The following IQGAP2 variants were observed in gnomAD, a reference collection of about 807,000 sequenced individuals.
IQGAP2 encodes IQ motif containing GTPase activating protein 2, also known as ras GTPase-activating-like protein IQGAP2.
In IQGAP2, 173 loss-of-function variants were observed where a neutral mutation model predicts 201.3. That is an observed-to-expected ratio of 0.86 (90% CI 0.76 to 0.98). The LOEUF (loss-of-function observed/expected upper bound fraction) is 0.98. Among genes scored for constraint, IQGAP2 ranks in the 50% least tolerant of loss-of-function variants. The pLI is 0.00. For missense variants in IQGAP2, 1,687 were observed against 1,864.8 expected, an observed-to-expected ratio of 0.90 and a Z score of 1.76; for synonymous variants, 675 against 673.9, an observed-to-expected ratio of 1.00 and a Z score of -0.03.
At chr5:76,430,165 AT>A (rs1310321200) in intron 1 of IQGAP2, among the ~76,000 whole-genome samples, 1 of 152,150 alleles carries the variant, frequency 6.6e-6, no homozygotes, top group Non-Finnish European at 1.5e-5. Context: ...TCTGTGACAA[AT>A]CACCTCAAAA....
At chr5:76,432,032 A>T (rs1752397850) in intron 1 of IQGAP2, among the ~76,000 whole-genome samples, 1 of 151,756 alleles carries the variant, frequency 6.6e-6, no homozygotes, top group Non-Finnish European at 1.5e-5. Context: ...CTATATTCAT[A>T]ATATAGTTAA....
chr5:76,410,152 C>T (rs1024249276), intron 1 of IQGAP2, among the ~76,000 whole-genome samples: 9 of 152,142 alleles, frequency 5.9e-5, no homozygotes, highest in Admixed American at 2.6e-4. Context: ...ACTTTTAGTG[C>T]CCTTCCAAGT....
intron 1 of IQGAP2, among the ~76,000 whole-genome samples, chr5:76,421,764 A>G (rs759475043): frequency 2.0e-5 from 3 of 152,230 alleles, no homozygotes; most frequent in Non-Finnish European, 2.9e-5. Flanking sequence ...TAAATAGTGC[A>G]TAGACAACAA....
In IQGAP2 at chr5:76,589,746, C is replaced by T; in HGVS notation, c.640+18C>T. ...AGCTGCATGTAAGTCCATTCAAAAT[C>T]CAAACTTGCCATGGATGTGAGACTT... On this transcript the variant is annotated intron_variant, in intron 7 of 35. Coordinates refer to ENST00000274364, the MANE Select transcript of IQGAP2 (RefSeq NM_006633.5). 7.1e-7 allele frequency: 1 copy of T among 1,416,288 alleles called. No homozygotes were observed. Among genetic ancestry groups the T allele is most frequent in the South Asian group, 1.3e-5 (1 of 78,024 alleles). 87.7% of individuals were successfully genotyped at this position (1,416,288 alleles called of 1,614,324 possible).
chr5:76,617,746 G>T (rs773021486), intron 13 of IQGAP2: 3 of 1,613,704 alleles, frequency 1.9e-6, no homozygotes, highest in Non-Finnish European at 2.5e-6. Context: ...TGAATAATAA[G>T]AATAATATTG....
At chr5:76,626,938 G>C (rs1750296833) in intron 13 of IQGAP2, among the ~76,000 whole-genome samples, 1 of 152,202 alleles carries the variant, frequency 6.6e-6, no homozygotes, top group South Asian at 2.1e-4. Context: ...AAGTAAACGG[G>C]TGTGAGGTGC....
intron 28 of IQGAP2, 59 bp downstream of exon 28, chr5:76,677,409 T>C (rs1041141948): frequency 5.9e-6 from 9 of 1,525,148 alleles, no homozygotes; most frequent in African/African-American, 1.4e-5. Flanking sequence ...ATCTGTTATC[T>C]TGAAAATGCT....
In IQGAP2 at chr5:76,641,431, G is replaced by A. The variant is rs917716657; in HGVS notation, c.2094+328G>A. Among the ~76,000 whole-genome samples, 5 of 152,244 alleles carry A rather than the reference G, an allele frequency of 3.3e-5. 1 individual carries two copies. In the South Asian group the frequency reaches 8.3e-4, roughly 25 times the overall value. On this transcript the variant is annotated intron_variant, in intron 17 of 35. Coordinates refer to ENST00000274364, the MANE Select transcript of IQGAP2 (RefSeq NM_006633.5). ...CCTGACTTGGGGACTTTACAATTTG[G>A]CTTTTTTGTGGTTAGTAGATGTTGA...
intron 2 of IQGAP2, among the ~76,000 whole-genome samples, chr5:76,478,170 C>T (rs546500233): frequency 2.6e-4 from 39 of 152,136 alleles, no homozygotes; most frequent in Admixed American, 4.6e-4. Flanking sequence ...GAGGCCAAGG[C>T]GGGTGGATCA....
At chr5:76,678,112 G>A (rs1008277217) in intron 28 of IQGAP2, among the ~76,000 whole-genome samples, 1 of 152,078 alleles carries the variant, frequency 6.6e-6, no homozygotes. Flanking sequence ...GGGGAAATGA[G>A]AATATTCTTT....
chr5:76,492,206 G>C (rs1580310925), intron 2 of IQGAP2, among the ~76,000 whole-genome samples: 1 of 152,336 alleles, frequency 6.6e-6, no homozygotes, highest in African/African-American at 2.4e-5. Flanking sequence ...GCATGTACCT[G>C]AGGAAGGTTG....
In IQGAP2 at chr5:76,534,937, C is replaced by T. The variant is rs193181735; in HGVS notation, c.147-27459C>T. Among the ~76,000 whole-genome samples, 451 of 152,290 alleles carry T rather than the reference C, an allele frequency of 3.0e-3. 5 individuals are homozygous for T. Among genetic ancestry groups the T allele is most frequent in the African/African-American group, 0.01 (428 of 41,550 alleles). ...TTTGGTTGTTCCACCTTTATTTTAT[C>T]AAAATCCTTGGACATACATTAAAGT... is the stretch of plus-strand genomic sequence containing the variant. On this transcript the variant is annotated intron_variant, in intron 2 of 35. Coordinates refer to ENST00000274364, the MANE Select transcript of IQGAP2 (RefSeq NM_006633.5).
chr5:76,533,541 T>C (rs200541879), intron 2 of IQGAP2, among the ~76,000 whole-genome samples: 1 of 39,860 alleles, frequency 2.5e-5, no homozygotes, highest in Non-Finnish European at 4.9e-5. Flanking sequence ...TATATATATA[T>C]TTTTTTATTT....
At chr5:76,537,130 C>G (rs1194157491) in intron 2 of IQGAP2, among the ~76,000 whole-genome samples, 1 of 152,184 alleles carries the variant, frequency 6.6e-6, no homozygotes, top group African/African-American at 2.4e-5. Context: ...CTTATGCTTA[C>G]TAAACAAAAT....
intron 5 of IQGAP2, among the ~76,000 whole-genome samples, chr5:76,580,745 C>A (rs992528916): frequency 6.6e-6 from 1 of 152,236 alleles, no homozygotes; most frequent in East Asian, 1.9e-4. Context: ...TAGCACCGTC[C>A]CTGACATTCT....
At position 76,489,105 on chromosome 5, in the gene IQGAP2, A is replaced by C. The variant is rs531126255; in HGVS notation, c.146+27436A>C. Among the ~76,000 whole-genome samples, 12 of 152,278 alleles carry C rather than the reference A, an allele frequency of 7.9e-5. No homozygotes were observed. In the South Asian group the frequency reaches 2.5e-3, roughly 32 times the overall value. ...CTCCTTCCCAGCTTGCGCTTGACAC[A>C]GCCTTGTCTTCTCTCCCTCCGTGCC... On this transcript the variant is annotated intron_variant, in intron 2 of 35. Transcript: ENST00000274364.
In IQGAP2 at chr5:76,597,515, A is replaced by C; in HGVS notation, c.984A>C (p.Lys328Asn). 1 of 1,613,982 alleles carries C rather than the reference A, an allele frequency of 6.2e-7. No individual in the cohort carries two copies. The highest frequency in any genetic ancestry group is 8.5e-7 in the Non-Finnish European group (1 of 1,179,972). The change falls in exon 10 of 36, where the codon AAA becomes AAC. Residue 328 changes from lysine (K) to asparagine (N), a missense_variant. By Grantham distance (94) the Lys-to-Asn change is moderately conservative (BLOSUM62 0). Coordinates refer to ENST00000274364, the MANE Select transcript of IQGAP2 (RefSeq NM_006633.5). ...DPENTLLALK[K>N]PEAQLPAVYP... ...AGAATACGCTGCTTGCACTGAAGAA[A>C]CCAGAGGCCCAGCTGCCTGCTGTTT...
chr5:76,429,626 T>TATATATATACATATATAAATA (rs1554055026), intron 1 of IQGAP2, among the ~76,000 whole-genome samples: 1 of 143,434 alleles, frequency 7.0e-6, no homozygotes, highest in Non-Finnish European at 1.5e-5. Context: ...ATATATAAAT[T>TATATATATACATATATAAATA]TATATATATA....
chr5:76,699,148 A>G (rs1747027028), intron 33 of IQGAP2, among the ~76,000 whole-genome samples: 1 of 152,120 alleles, frequency 6.6e-6, no homozygotes, highest in South Asian at 2.1e-4. Flanking sequence ...AGCCTCTGAA[A>G]CCACCATTCT....
Sources: allele counts gnomAD v4.1 joint callset (sites outside exome capture counted in the v4.1 genomes callset), GRCh38; gene constraint gnomAD v4.1.1; transcripts MANE v1.5; gene names NCBI Gene and HGNC (gene_info 2026-07-23, HGNC 2026-07-21).